DLGAP1: variants seen among roughly 807,000 people sequenced by gnomAD.
DLGAP1 encodes DLG associated protein 1.
In DLGAP1, 11 loss-of-function variants were observed where a neutral mutation model predicts 90.8. The observed-to-expected ratio is 0.12, with a 90% CI of 0.08 to 0.20. The LOEUF (loss-of-function observed/expected upper bound fraction) is 0.20, where lower values mean the gene tolerates loss of function less well. Among genes scored for constraint, DLGAP1 ranks in the 10% least tolerant of loss-of-function variants. DLGAP1 has a pLI of 1.00. For missense variants in DLGAP1, 1,050 were observed against 1,333.8 expected, an observed-to-expected ratio of 0.79 and a Z score of 3.31; for synonymous variants, 558 against 540.7, an observed-to-expected ratio of 1.03 and a Z score of -0.44.
chr18:3,847,385 C>T (rs1481874745), intron 4 of DLGAP1, among the ~76,000 whole-genome samples: 2 of 152,124 alleles, frequency 1.3e-5, no homozygotes, highest in Non-Finnish European at 2.9e-5. Context: ...TCAAGAACCA[C>T]CTGTGCCGGT....
At chr18:4,188,966 T>C (rs906195396) in intron 1 of DLGAP1, among the ~76,000 whole-genome samples, 15 of 152,302 alleles carry the variant, frequency 9.8e-5, no homozygotes, top group Middle Eastern at 3.4e-3. Context: ...TTGTCATCAA[T>C]GTTTTATTAT....
In DLGAP1 at chr18:4,006,954, T is replaced by C. The variant is rs149618047; in HGVS notation, c.-158-1753A>G. Among the ~76,000 whole-genome samples, 409 of 152,236 alleles carry C rather than the reference T, an allele frequency of 2.7e-3. 6 individuals are homozygous for C. Among genetic ancestry groups the C allele is most frequent in the African/African-American group, 9.1e-3 (377 of 41,532 alleles). The stretch of plus-strand genomic sequence containing the variant: ...TGAGCCACTGCACCCAGACACTTCA[T>C]GGAACAATGCAGTGTTCTATGAAGT... On this transcript the variant is annotated intron_variant, in intron 2 of 12. Coordinates refer to ENST00000315677, the MANE Select transcript of DLGAP1 (RefSeq NM_004746.4).
intron 4 of DLGAP1, among the ~76,000 whole-genome samples, chr18:3,866,150 C>T (rs1018523503): frequency 6.6e-6 from 1 of 152,198 alleles, no homozygotes; most frequent in African/African-American, 2.4e-5. Flanking sequence ...ATCAGGAACT[C>T]CTGGAGTCCC....
chr18:4,172,754 T>C (rs2077044805), intron 1 of DLGAP1, among the ~76,000 whole-genome samples: 2 of 152,214 alleles, frequency 1.3e-5, no homozygotes, highest in Admixed American at 6.5e-5. Context: ...AGAAGAAATA[T>C]TCTTGGGAAA....
intron 7 of DLGAP1, among the ~76,000 whole-genome samples, chr18:3,637,210 T>C (rs142855230): frequency 3.9e-4 from 59 of 152,106 alleles, no homozygotes; most frequent in African/African-American, 1.4e-3. Flanking sequence ...TTTGCAGGGA[T>C]AGTGAGTGAG....
intron 3 of DLGAP1, among the ~76,000 whole-genome samples, chr18:3,904,446 G>A (rs2071851298): frequency 1.3e-5 from 2 of 152,200 alleles, no homozygotes; most frequent in Admixed American, 1.3e-4. Context: ...TATTCTTATG[G>A]GAGTCCTTAA....
At chr18:3,641,915 A>G (rs375206739) in intron 7 of DLGAP1, among the ~76,000 whole-genome samples, 2 of 152,294 alleles carry the variant, frequency 1.3e-5, no homozygotes, top group Admixed American at 1.3e-4. Context: ...ACTAATAAAA[A>G]TTTAGTTAAA....
chr18:3,872,730 G>C (rs1160114106), intron 4 of DLGAP1, among the ~76,000 whole-genome samples: 2 of 152,194 alleles, frequency 1.3e-5, no homozygotes, highest in Non-Finnish European at 2.9e-5. Context: ...ATGTGGGCTA[G>C]AGACTGTGGG....
chr18:4,378,403 T>C lies in DLGAP1; in HGVS notation c.-267+76603A>G, dbSNP rs1282255247. Among the ~76,000 whole-genome samples, 4 of 152,148 alleles carry C rather than the reference T, an allele frequency of 2.6e-5. No individual in the cohort carries two copies. The highest frequency in any genetic ancestry group is 5.9e-5 in the Non-Finnish European group (4 of 68,002). Reference sequence around the variant, plus strand: ...TAACTTTTTAACGACAAAATCATTCTGTATAATTAAGCTTAAACATCTAAA... The same window carrying C: ...TAACTTTTTAACGACAAAATCATTCCGTATAATTAAGCTTAAACATCTAAA... On this transcript the variant is annotated intron_variant, in intron 1 of 12. Coordinates refer to ENST00000315677, the MANE Select transcript of DLGAP1 (RefSeq NM_004746.4). The surrounding 1 kb of genome is among the most constrained non-coding windows in gnomAD (Gnocchi z 4.5).
At chr18:3,704,650 A>T (rs1567987731) in intron 7 of DLGAP1, among the ~76,000 whole-genome samples, 3 of 148,728 alleles carry the variant, frequency 2.0e-5, no homozygotes, top group African/African-American at 7.4e-5. Flanking sequence ...CCATTGCTTG[A>T]TTTTTTTTTT....
intron 1 of DLGAP1, among the ~76,000 whole-genome samples, chr18:4,179,292 A>G (rs576961726): frequency 6.6e-6 from 1 of 152,180 alleles, no homozygotes. Context: ...GGTGCCCTGC[A>G]TTCTGCTAAA....
chr18:4,049,267 T>A lies in DLGAP1; in HGVS notation c.-158-44066A>T, dbSNP rs1232184572. On this transcript the variant is annotated intron_variant, in intron 2 of 12. Coordinates refer to ENST00000315677, the MANE Select transcript of DLGAP1 (RefSeq NM_004746.4). ...AAAATTATATGCCTGGTCGTAGAAC[T>A]TCCCGCCACACAGATGTCAGCCATA... Among the ~76,000 whole-genome samples, 5 of 151,896 alleles carry A rather than the reference T, an allele frequency of 3.3e-5. No homozygotes were observed. In the East Asian group the frequency reaches 9.7e-4, roughly 29 times the overall value.
intron 2 of DLGAP1, among the ~76,000 whole-genome samples, chr18:4,117,211 A>T (rs1057163979): frequency 1.3e-5 from 2 of 152,230 alleles, no homozygotes; most frequent in Non-Finnish European, 2.9e-5. Context: ...TTACATCTTG[A>T]TCTTAGACTT....
chr18:3,602,023 A>G (rs951941040), intron 7 of DLGAP1, among the ~76,000 whole-genome samples: 5 of 151,844 alleles, frequency 3.3e-5, no homozygotes, highest in Non-Finnish European at 7.4e-5. Context: ...GAATGAATAA[A>G]TAAATAAATA....
chr18:3,760,174 G>T (rs1364102850), intron 5 of DLGAP1, among the ~76,000 whole-genome samples: 1 of 152,162 alleles, frequency 6.6e-6, no homozygotes, highest in Non-Finnish European at 1.5e-5. Flanking sequence ...GTAAGTGTGT[G>T]GGGGGCAGGG....
At chr18:3,715,035 G>A (rs1475663511) in intron 7 of DLGAP1, among the ~76,000 whole-genome samples, 1 of 152,182 alleles carries the variant, frequency 6.6e-6, no homozygotes, top group East Asian at 1.9e-4. Context: ...TACAAAATAT[G>A]GGTTGGGAAT....
intron 1 of DLGAP1, among the ~76,000 whole-genome samples, chr18:4,226,125 G>A (rs2078181527): frequency 6.6e-6 from 1 of 152,156 alleles, no homozygotes; most frequent in African/African-American, 2.4e-5. Context: ...TATAGGCCAG[G>A]AGAGAGTGGC....
intron 1 of DLGAP1, among the ~76,000 whole-genome samples, chr18:4,271,679 T>A (rs933134828): frequency 2.0e-5 from 3 of 152,202 alleles, no homozygotes; most frequent in African/African-American, 7.2e-5. Flanking sequence ...CACTTAATGG[T>A]ATCAGAGTTG....
chr18:3,522,763 A>C (rs2051296712), intron 10 of DLGAP1, among the ~76,000 whole-genome samples: 1 of 151,862 alleles, frequency 6.6e-6, no homozygotes, highest in African/African-American at 2.4e-5. Context: ...GGTTGGTCTC[A>C]AACCCATGAC....
Sources: allele counts gnomAD v4.1 joint callset (sites outside exome capture counted in the v4.1 genomes callset), GRCh38; gene constraint gnomAD v4.1.1; non-coding constraint Gnocchi (gnomAD v3.1); transcripts MANE v1.5; gene names NCBI Gene and HGNC (gene_info 2026-07-23, HGNC 2026-07-21).